Variants in UMAD1 observed in about 807,000 individuals in gnomAD.
UMAD1 encodes UBAP1-MVB12-associated (UMA) domain containing 1.
Under a neutral mutation model 6.1 loss-of-function variants are expected in UMAD1, and 8 were observed. The ratio of observed to expected loss-of-function variants is 1.30; its 90% CI spans 0.76 to 2.35. The LOEUF (loss-of-function observed/expected upper bound fraction) is 2.35, where lower values mean the gene tolerates loss of function less well. UMAD1 is among the 30% of genes most tolerant of loss of function. The pLI is 0.00. For synonymous variants in UMAD1, 56 were observed against 31.4 expected, an observed-to-expected ratio of 1.78 and a Z score of -2.61; for missense variants, 130 against 78.4, an observed-to-expected ratio of 1.66 and a Z score of -2.49.
At chr7:7,839,888 C>G (rs1480619787) in intron 3 of UMAD1, among the ~76,000 whole-genome samples, 1 of 152,208 alleles carries the variant, frequency 6.6e-6, no homozygotes, top group Non-Finnish European at 1.5e-5. Flanking sequence ...TCTGTGCTTT[C>G]CTCCAACTCA....
At chr7:7,668,520 A>G (rs1166029884) in intron 1 of UMAD1, among the ~76,000 whole-genome samples, 1 of 152,200 alleles carries the variant, frequency 6.6e-6, no homozygotes. Context: ...ATTAAACTTT[A>G]TCATAGATGT....
At chr7:7,765,329 C>T (rs2115236185) in intron 2 of UMAD1, among the ~76,000 whole-genome samples, 1 of 152,222 alleles carries the variant, frequency 6.6e-6, no homozygotes, top group South Asian at 2.1e-4. Context: ...TACTCCAGTG[C>T]TTAAAAACAA....
intron 2 of UMAD1, among the ~76,000 whole-genome samples, chr7:7,774,467 C>T (rs140091966): frequency 6.6e-6 from 1 of 152,208 alleles, no homozygotes; most frequent in Admixed American, 6.5e-5. Context: ...TAGAGTGGAA[C>T]CTGTTCTACA....
chr7:7,873,964 T>G lies in UMAD1; in HGVS notation c.157-3317T>G, dbSNP rs1000796488. Among the ~76,000 whole-genome samples, 4 of 152,276 alleles carry G rather than the reference T, an allele frequency of 2.6e-5. No homozygotes were observed. The East Asian group carries it at 5.8e-4, about 22-fold the overall frequency. On this transcript the variant is annotated intron_variant, in intron 3 of 3. Coordinates refer to ENST00000682710, the MANE Select transcript of UMAD1 (RefSeq NM_001302348.2). ...CACCAGATCTCGTCCAGCTGCAGAT[T>G]CAAATTATATCCCCCTGCCTACTAA...
chr7:7,705,221 A>G (rs1019194532), intron 2 of UMAD1, among the ~76,000 whole-genome samples: 1 of 152,302 alleles, frequency 6.6e-6, no homozygotes, highest in South Asian at 2.1e-4. Context: ...AACTTCCAAG[A>G]TGATTGTAAC....
rs77750456 is a variant in UMAD1 at position 7,732,502 on chromosome 7, A to C, written c.82+59049A>C. On this transcript the variant is annotated intron_variant, in intron 2 of 3. Coordinates refer to ENST00000682710, the MANE Select transcript of UMAD1 (RefSeq NM_001302348.2). ...TCTTTGTTGTATTTATGACAGAAAAAAATTAAAAATGACTTAAATCAGTGT... is the reference window on the plus strand; with the variant it reads ...TCTTTGTTGTATTTATGACAGAAAACAATTAAAAATGACTTAAATCAGTGT... 2.0e-5 allele frequency among the ~76,000 whole-genome samples: 3 copies of C among 152,294 alleles called. No homozygotes were observed. In the East Asian group the frequency reaches 5.8e-4, roughly 29 times the overall value.
intron 3 of UMAD1, among the ~76,000 whole-genome samples, chr7:7,804,742 G>A (rs1414289174): frequency 6.6e-6 from 1 of 152,224 alleles, no homozygotes; most frequent in African/African-American, 2.4e-5. Context: ...AACACTTTGG[G>A]AGGCTGAGGC....
chr7:7,717,060 C>CTTTTTTTTTTTTT (rs766644906), intron 2 of UMAD1, among the ~76,000 whole-genome samples: 1 of 141,604 alleles, frequency 7.1e-6, no homozygotes, highest in Admixed American at 7.0e-5. Flanking sequence ...TTCTTTTTTT[C>CTTTTTTTTTTTTT]TTTTTTTTTT....
At chr7:7,842,233 A>T (rs1399505854) in intron 3 of UMAD1, among the ~76,000 whole-genome samples, 2 of 152,184 alleles carry the variant, frequency 1.3e-5, no homozygotes, top group Non-Finnish European at 2.9e-5. Flanking sequence ...TTCTCTGTAA[A>T]ATGAGGATAA....
At chr7:7,816,843 C>G (rs1423766282) in intron 3 of UMAD1, among the ~76,000 whole-genome samples, 3 of 152,200 alleles carry the variant, frequency 2.0e-5, no homozygotes, top group African/African-American at 7.2e-5. Context: ...TGGATTATTA[C>G]AAAGAGTTTT....
At chr7:7,834,486 A>G (rs1783528276) in intron 3 of UMAD1, among the ~76,000 whole-genome samples, 1 of 152,186 alleles carries the variant, frequency 6.6e-6, no homozygotes. Flanking sequence ...TGGGTGACTT[A>G]AACAACAGAC....
At chr7:7,647,999 T>A (rs1368697026) in intron 1 of UMAD1, among the ~76,000 whole-genome samples, 1 of 152,198 alleles carries the variant, frequency 6.6e-6, no homozygotes, top group Non-Finnish European at 1.5e-5. Flanking sequence ...TTTTCCATCC[T>A]ATATCTCACC....
chr7:7,794,890 A>C (rs1436622474), intron 2 of UMAD1, among the ~76,000 whole-genome samples: 1 of 152,186 alleles, frequency 6.6e-6, no homozygotes, highest in Non-Finnish European at 1.5e-5. Flanking sequence ...GATATTCTCT[A>C]TAGGGCTGTT....
chr7:7,787,365 A>G (rs934623375), intron 2 of UMAD1, among the ~76,000 whole-genome samples: 1 of 152,214 alleles, frequency 6.6e-6, no homozygotes. Flanking sequence ...TTGAAACAGT[A>G]CTGTTGTTTT....
At chr7:7,860,604 C>CAAAA (rs373823869) in intron 3 of UMAD1, among the ~76,000 whole-genome samples, 3 of 93,854 alleles carry the variant, frequency 3.2e-5, no homozygotes, top group Non-Finnish European at 4.1e-5. Flanking sequence ...ACTAAAAATA[C>CAAAA]AAAAAAAAAA....
At chr7:7,745,019 G>A (rs765486366) in intron 2 of UMAD1, among the ~76,000 whole-genome samples, 5 of 152,096 alleles carry the variant, frequency 3.3e-5, no homozygotes, top group Non-Finnish European at 5.9e-5. Context: ...TACTGATAAC[G>A]TAAACAGTCT....
At position 7,804,859 on chromosome 7, in the gene UMAD1, T is replaced by C. The variant is rs183034953; in HGVS notation, c.156+3116T>C. On this transcript the variant is annotated intron_variant, in intron 3 of 3. Coordinates refer to ENST00000682710, the MANE Select transcript of UMAD1 (RefSeq NM_001302348.2). ...AGCTGGGCACGGTGGCCTGCGCCTG[T>C]AGTCCCAGCTGCTTGGGAGGCTGAG... 7.0e-4 allele frequency among the ~76,000 whole-genome samples: 106 copies of C among 151,932 alleles called. 3 individuals carry two copies. The East Asian group carries it at 0.015, about 21-fold the overall frequency.
At chr7:7,870,915 G>A (rs1784320482) in intron 3 of UMAD1, among the ~76,000 whole-genome samples, 1 of 151,744 alleles carries the variant, frequency 6.6e-6, no homozygotes, top group Non-Finnish European at 1.5e-5. Flanking sequence ...GGAACACTTT[G>A]CCCATCGTAT....
chr7:7,691,088 G>C (rs902404091), intron 2 of UMAD1, among the ~76,000 whole-genome samples: 2 of 152,146 alleles, frequency 1.3e-5, no homozygotes, highest in Admixed American at 6.6e-5. Flanking sequence ...CTGGAACTGA[G>C]CAGAAGTGTT....
Sources: allele counts gnomAD v4.1 joint callset (sites outside exome capture counted in the v4.1 genomes callset), GRCh38; gene constraint gnomAD v4.1.1; transcripts MANE v1.5; gene names NCBI Gene and HGNC (gene_info 2026-07-23, HGNC 2026-07-21).